PNPLA8: variants seen among roughly 807,000 people sequenced by gnomAD.
PNPLA8 encodes patatin like domain 8, phospholipase A2, also known as calcium-independent phospholipase A2-gamma.
Under a neutral mutation model 76.9 loss-of-function variants are expected in PNPLA8, and 39 were observed. That is an observed-to-expected ratio of 0.51 (90% CI 0.39 to 0.66). PNPLA8 has a LOEUF of 0.66. Among genes scored for constraint, PNPLA8 ranks in the 30% least tolerant of loss-of-function variants. The pLI, the probability that PNPLA8 is intolerant of heterozygous loss-of-function variation, is 0.00. For synonymous variants in PNPLA8, 301 were observed against 307.9 expected, an observed-to-expected ratio of 0.98 and a Z score of 0.24; for missense variants, 887 against 918.0, an observed-to-expected ratio of 0.97 and a Z score of 0.44.
intron 8 of PNPLA8, among the ~76,000 whole-genome samples, chr7:108,488,892 T>C (rs1334020586): frequency 6.6e-6 from 1 of 152,226 alleles, no homozygotes; most frequent in African/African-American, 2.4e-5. Context: ...CCAAAGTTAG[T>C]GTCCTGTGCC....
At chr7:108,491,849 G>C (rs1861191286) in intron 7 of PNPLA8, among the ~76,000 whole-genome samples, 1 of 152,318 alleles carries the variant, frequency 6.6e-6, no homozygotes, top group African/African-American at 2.4e-5. Flanking sequence ...TCAGGGTCCT[G>C]CCAATAGGAT....
At position 108,517,607 on chromosome 7, in the gene PNPLA8, A is replaced by C. The variant is rs78407153; in HGVS notation, c.-83-2033T>G. Among the ~76,000 whole-genome samples, 1,229 of 152,346 alleles carry C rather than the reference A, an allele frequency of 8.1e-3. 6 individuals carry two copies. Among genetic ancestry groups the C allele is most frequent in the Non-Finnish European group, 0.014 (932 of 68,034 alleles). ...AATTGTTCAGTGCTACAAAGACATG[A>C]GCTATCAAGCCATAAAAAGACCGTG... On this transcript the variant is annotated intron_variant, in intron 2 of 10. Coordinates refer to ENST00000257694, the MANE Select transcript of PNPLA8 (RefSeq NM_001256007.3).
intron 4 of PNPLA8, among the ~76,000 whole-genome samples, chr7:108,505,343 TATATATATA>T (rs1192131480): frequency 1.2e-3 from 13 of 10,404 alleles, no homozygotes; most frequent in African/African-American, 3.0e-3. Context: ...TATATATATA[TATATATATA>T]TTTTTTTTTT....
In PNPLA8 at chr7:108,514,800, C is replaced by G. The variant is rs373363815; in HGVS notation, c.692G>C (p.Arg231Pro). The G allele has an allele frequency of 3.1e-6, 5 of 1,612,882 alleles. No homozygotes were observed. The African/African-American group carries it at 6.7e-5, about 22-fold the overall frequency. ...TTTATCTTCAAGTTCTGATTTGTCC[C>G]GGAAATGTTCATTTTCCTTTTGTTG... ...MSQQKENEHF[R>P]DKSELEDKKV... Residue 231 changes from arginine to proline, a missense_variant, in exon 3 of 11, where the codon CGG becomes CCG. Coordinates refer to ENST00000257694, the MANE Select transcript of PNPLA8 (RefSeq NM_001256007.3).
chr7:108,487,058 T>C (rs1860788964), intron 9 of PNPLA8, among the ~76,000 whole-genome samples: 1 of 152,104 alleles, frequency 6.6e-6, no homozygotes, highest in African/African-American at 2.4e-5. Flanking sequence ...CCATAAAGAG[T>C]TGGAAAAACT....
rs1015592324 is a variant in PNPLA8 at position 108,511,008 on chromosome 7, T to C, written c.1206+3136A>G. 3.1e-6 allele frequency: 4 copies of C among 1,309,566 alleles called. No individual in the cohort carries two copies. The African/African-American group carries it at 4.4e-5, about 14-fold the overall frequency. 81.1% of individuals were successfully genotyped at this position (1,309,566 alleles called of 1,614,324 possible). On this transcript the variant is annotated intron_variant, in intron 4 of 10. Coordinates refer to ENST00000257694, the MANE Select transcript of PNPLA8 (RefSeq NM_001256007.3). ...TACCATGACTATTTCTCTAAGCTGG[T>C]TGGTTAATAAACAGTACCTGCTCTC...
At chr7:108,491,387 T>C (rs200501472) in intron 8 of PNPLA8, 23 bp downstream of exon 8, 27 of 1,484,278 alleles carry the variant, frequency 1.8e-5, no homozygotes, top group African/African-American at 1.7e-4. Context: ...CTAGGTGTTA[T>C]ATTTAAGAGA....
At chr7:108,502,237 G>A (rs929116057) in intron 5 of PNPLA8, among the ~76,000 whole-genome samples, 1 of 151,846 alleles carries the variant, frequency 6.6e-6, no homozygotes, top group African/African-American at 2.4e-5. Context: ...GGCGTCAGGA[G>A]TTTGAGACCA....
chr7:108,510,652 A>C (rs539226918), intron 4 of PNPLA8: 406 of 1,588,564 alleles, frequency 2.6e-4, no homozygotes, highest in Non-Finnish European at 3.4e-4. Context: ...CATATATTGC[A>C]TGGGGGTACC....
chr7:108,487,800 C>G lies in PNPLA8; in HGVS notation c.1837G>C (p.Gly613Arg). The G allele has an allele frequency of 6.2e-7, 1 of 1,613,022 alleles. No homozygotes were observed. The highest frequency in any genetic ancestry group is 8.5e-7 in the Non-Finnish European group (1 of 1,179,436). Residue 613 changes from glycine to arginine, a missense_variant, in exon 9 of 11, where the codon GGC becomes CGC. By Grantham distance (125) the Gly-to-Arg change is moderately radical (BLOSUM62 -2). Coordinates refer to ENST00000257694, the MANE Select transcript of PNPLA8 (RefSeq NM_001256007.3). The part of the protein sequence containing the change: ...QAIRASSAAP[G>R]YFAEYALGND... ...CCCAATGCATATTCTGCAAAGTAGC[C>G]TGGAGCAGCAGATGAGGCTCTAATG...
intron 9 of PNPLA8, among the ~76,000 whole-genome samples, chr7:108,486,518 TAAATAATTCAAC>T (rs1378390709): frequency 2.6e-5 from 4 of 152,066 alleles, no homozygotes; most frequent in Non-Finnish European, 5.9e-5. Flanking sequence ...GGAAGTGCCT[TAAATAATTCAAC>T]AATGACTGAT....
chr7:108,473,339 T>G (rs1218231740), intron 10 of PNPLA8, among the ~76,000 whole-genome samples: 1 of 152,232 alleles, frequency 6.6e-6, no homozygotes, highest in Admixed American at 6.5e-5. Flanking sequence ...CTGGCTCTCT[T>G]CAGTTTTTAG....
At chr7:108,494,558 A>G (rs1326523667) in intron 7 of PNPLA8, among the ~76,000 whole-genome samples, 1 of 152,192 alleles carries the variant, frequency 6.6e-6, no homozygotes, top group Non-Finnish European at 1.5e-5. Context: ...TTATAACTGC[A>G]TAGTATTCCA....
At chr7:108,485,806 G>A (rs1860701462) in intron 9 of PNPLA8, among the ~76,000 whole-genome samples, 1 of 151,928 alleles carries the variant, frequency 6.6e-6, no homozygotes, top group African/African-American at 2.4e-5. Context: ...CCTTAAGTAG[G>A]TTTCTTAGGC....
chr7:108,493,906 G>T (rs547820956), intron 7 of PNPLA8, among the ~76,000 whole-genome samples: 40 of 151,862 alleles, frequency 2.6e-4, no homozygotes, highest in African/African-American at 9.7e-4. Flanking sequence ...TTATGCCAAG[G>T]TTCAACAACT....
chr7:108,472,344 G>T lies in PNPLA8; in HGVS notation c.*57C>A. 8.4e-7 allele frequency: 1 copy of T among 1,194,630 alleles called. No homozygotes were observed. The highest frequency in any genetic ancestry group is 1.2e-6 in the Non-Finnish European group (1 of 848,960). 74.0% of individuals were successfully genotyped at this position (1,194,630 alleles called of 1,614,324 possible). ...ATGTCGAACCCCACAATTCCTTATT[G>T]AATGTGGTTGATCTTCTAAACAGAC... On this transcript the variant is annotated 3_prime_UTR_variant, in exon 11 of 11. Transcript: ENST00000257694.
In PNPLA8 at chr7:108,479,799, T is replaced by G. The variant is rs76616813; in HGVS notation, c.1879-420A>C. ...CAAATAATTCTAAGTTAGTTCAAAT[T>G]CTATCAACAATACAATTTCAATGGA... is the stretch of plus-strand genomic sequence containing the variant. On this transcript the variant is annotated intron_variant, in intron 9 of 10. Coordinates refer to ENST00000257694, the MANE Select transcript of PNPLA8 (RefSeq NM_001256007.3). Among the ~76,000 whole-genome samples, 441 of 152,348 alleles carry G rather than the reference T, an allele frequency of 2.9e-3. 2 individuals are homozygous for G. The highest frequency in any genetic ancestry group is 0.01 in the African/African-American group (417 of 41,586).
chr7:108,491,282 G>A, intron 8 of PNPLA8, 128 bp downstream of exon 8: 1 of 627,322 alleles, frequency 1.6e-6, no homozygotes, highest in Non-Finnish European at 2.8e-6. Flanking sequence ...ACTCCAGCCT[G>A]GGCAATAAGA....
At chr7:108,522,037 T>C (rs1472797892) in intron 1 of PNPLA8, among the ~76,000 whole-genome samples, 3 of 152,172 alleles carry the variant, frequency 2.0e-5, no homozygotes, top group Admixed American at 6.5e-5. Flanking sequence ...GGCTCACGCC[T>C]GTACTCCCAG....
Sources: gnomAD v4.1 joint callset for allele counts (sites outside exome capture counted in the v4.1 genomes callset) on GRCh38, gnomAD v4.1.1 for gene constraint, MANE v1.5 for transcripts, NCBI Gene and HGNC (gene_info 2026-07-23, HGNC 2026-07-21) for gene names.